The following SOX5 variants were observed in gnomAD, a reference collection of about 807,000 sequenced individuals.
The protein encoded by SOX5 is SRY-box transcription factor 5.
SOX5 carries 9 observed loss-of-function variants against 92.0 expected under a neutral mutation model. The ratio of observed to expected loss-of-function variants is 0.10; its 90% CI spans 0.06 to 0.17. The LOEUF is 0.17. Ranked by LOEUF, SOX5 falls within the 10% of genes least tolerant of loss-of-function variation. The pLI is 1.00. For synonymous variants in SOX5, 344 were observed against 336.3 expected (o/e 1.02, Z -0.25); for missense variants, 642 against 944.5 (o/e 0.68, Z 4.20).
At chr12:24,465,370 C>T (rs565477770) in intron 1 of SOX5, among the ~76,000 whole-genome samples, 50 of 152,330 alleles carry the variant, frequency 3.3e-4, no homozygotes, top group African/African-American at 1.2e-3. Flanking sequence ...ATTTTCTCAA[C>T]TACAACTATG....
chr12:23,634,994 A>G (rs893119496), intron 8 of SOX5, among the ~76,000 whole-genome samples: 9 of 152,198 alleles, frequency 5.9e-5, no homozygotes, highest in African/African-American at 2.2e-4. Flanking sequence ...TTAAGTGCAA[A>G]TGATGGTAAA....
At chr12:24,384,729 G>A (rs1958197715) in intron 1 of SOX5, among the ~76,000 whole-genome samples, 1 of 152,206 alleles carries the variant, frequency 6.6e-6, no homozygotes, top group South Asian at 2.1e-4. Context: ...AACTTTGTGG[G>A]TGGAGGACAT....
At chr12:23,931,193 T>G (rs1162929537) in intron 1 of SOX5, among the ~76,000 whole-genome samples, 2 of 151,824 alleles carry the variant, frequency 1.3e-5, no homozygotes, top group African/African-American at 4.8e-5. Flanking sequence ...GGAATCCCTA[T>G]TAGTTACTGC....
intron 2 of SOX5, among the ~76,000 whole-genome samples, chr12:24,324,028 G>A (rs1269719425): frequency 1.3e-5 from 2 of 152,122 alleles, no homozygotes; most frequent in Non-Finnish European, 2.9e-5. Context: ...CTTAGTGAAA[G>A]CAAATGGACT....
intron 6 of SOX5, among the ~76,000 whole-genome samples, chr12:23,728,617 T>C (rs1439619596): frequency 6.6e-6 from 1 of 152,198 alleles, no homozygotes; most frequent in Admixed American, 6.6e-5. Flanking sequence ...CAGAGAACTT[T>C]GGTGCCAATA....
intron 4 of SOX5, among the ~76,000 whole-genome samples, chr12:24,051,188 A>AT (rs754959134): frequency 6.6e-6 from 1 of 152,154 alleles, no homozygotes; most frequent in African/African-American, 2.4e-5. Flanking sequence ...GCACAGGTTG[A>AT]TTTTTTCTTT....
chr12:23,907,531 TTAC>T (rs905577330), intron 1 of SOX5, among the ~76,000 whole-genome samples: 4 of 152,188 alleles, frequency 2.6e-5, no homozygotes, highest in Non-Finnish European at 5.9e-5. Flanking sequence ...TTCCTAAATA[TTAC>T]TACTACAATT....
chr12:24,485,611 GAA>G (rs200003836), intron 1 of SOX5, among the ~76,000 whole-genome samples: 2 of 150,290 alleles, frequency 1.3e-5, no homozygotes, highest in Non-Finnish European at 3.0e-5. Flanking sequence ...TGATGACTAG[GAA>G]AAAAAAATGT....
intron 1 of SOX5, among the ~76,000 whole-genome samples, chr12:24,555,978 A>G (rs1485280351): frequency 6.6e-6 from 1 of 152,248 alleles, no homozygotes; most frequent in Non-Finnish European, 1.5e-5. Context: ...ACTGACAGTG[A>G]GGAATGCTGA....
intron 1 of SOX5, among the ~76,000 whole-genome samples, chr12:23,929,228 A>C (rs1012478192): frequency 6.6e-6 from 1 of 152,032 alleles, no homozygotes; most frequent in Non-Finnish European, 1.5e-5. Context: ...TAAAAAACCA[A>C]CAAACTAATA....
chr12:24,013,711 A>G (rs1188759805), intron 4 of SOX5, among the ~76,000 whole-genome samples: 4 of 152,222 alleles, frequency 2.6e-5, no homozygotes, highest in African/African-American at 9.6e-5. Flanking sequence ...TAACAAATAG[A>G]AGACCATTTT....
At chr12:23,906,447 CT>C (rs1470685842) in intron 1 of SOX5, among the ~76,000 whole-genome samples, 1 of 152,190 alleles carries the variant, frequency 6.6e-6, no homozygotes, top group African/African-American at 2.4e-5. Flanking sequence ...CTGCACTAGA[CT>C]TTTTTCCCCC....
intron 1 of SOX5, among the ~76,000 whole-genome samples, chr12:23,913,876 A>G (rs74067896): frequency 0.013 from 1,911 of 152,280 alleles, 17 homozygotes; most frequent in Middle Eastern, 0.054. Context: ...AATTGTTACT[A>G]ATTTCTTCAT....
At chr12:24,359,766 A>T (rs1288688254) in intron 2 of SOX5, among the ~76,000 whole-genome samples, 1 of 152,216 alleles carries the variant, frequency 6.6e-6, no homozygotes, top group East Asian at 1.9e-4. Flanking sequence ...CTTCTAAGAC[A>T]TCCAAATGAT....
intron 4 of SOX5, among the ~76,000 whole-genome samples, chr12:24,179,736 G>A (rs138296590): frequency 2.4e-4 from 37 of 152,138 alleles, no homozygotes; most frequent in Non-Finnish European, 4.4e-4. Flanking sequence ...AGGTAGGTGC[G>A]GCTAAGCTAT....
At chr12:23,600,354 C>A (rs1338536656) in intron 9 of SOX5, among the ~76,000 whole-genome samples, 1 of 151,314 alleles carries the variant, frequency 6.6e-6, no homozygotes, top group Non-Finnish European at 1.5e-5. Context: ...AAAAAATAGT[C>A]CTGGAGTAAG....
At chr12:23,711,007 A>G (rs892228725) in intron 6 of SOX5, among the ~76,000 whole-genome samples, 1 of 152,174 alleles carries the variant, frequency 6.6e-6, no homozygotes. Flanking sequence ...ATCACCTTCA[A>G]TATAGATCCA....
chr12:23,796,743 ACCAATATAGTGATTT>A (rs2095567158), intron 3 of SOX5, among the ~76,000 whole-genome samples: 1 of 151,742 alleles, frequency 6.6e-6, no homozygotes, highest in Admixed American at 6.6e-5. Context: ...TAAACAGATC[ACCAATATAGTGATTT>A]CCATTCTAAT....
chr12:23,828,381 T>G (rs777198349), intron 3 of SOX5, among the ~76,000 whole-genome samples: 1 of 152,214 alleles, frequency 6.6e-6, no homozygotes, highest in Non-Finnish European at 1.5e-5. Flanking sequence ...AATTATAAAA[T>G]TCTAAATATA....
Sources: gnomAD v4.1 joint callset for allele counts (sites outside exome capture counted in the v4.1 genomes callset) on GRCh38, gnomAD v4.1.1 for gene constraint, MANE v1.5 for transcripts, NCBI Gene and HGNC (gene_info 2026-07-23, HGNC 2026-07-21) for gene names.